Variants in TMCO4 observed in about 807,000 individuals in gnomAD.
The protein encoded by TMCO4 is transmembrane and coiled-coil domain-containing protein 4.
Under a neutral mutation model 64.7 loss-of-function variants are expected in TMCO4, and 58 were observed. The ratio of observed to expected loss-of-function variants is 0.90; its 90% CI spans 0.73 to 1.12. The LOEUF (loss-of-function observed/expected upper bound fraction) is 1.12, where lower values mean the gene tolerates loss of function less well. Ranked by LOEUF, TMCO4 falls within the 50% of genes most tolerant of loss-of-function variation. The pLI is 0.00. For synonymous variants in TMCO4, 325 were observed against 346.1 expected (o/e 0.94, Z 0.68); for missense variants, 780 against 825.9 (o/e 0.94, Z 0.68).
At chr1:19,721,516 C>T (rs2095383207) in intron 13 of TMCO4, among the ~76,000 whole-genome samples, 2 of 152,020 alleles carry the variant, frequency 1.3e-5, no homozygotes, top group African/African-American at 2.4e-5. Context: ...TGGCCAGGCG[C>T]GGGGGCTCAT....
chr1:19,729,290 C>T (rs1446807569), intron 13 of TMCO4, among the ~76,000 whole-genome samples: 3 of 151,848 alleles, frequency 2.0e-5, no homozygotes, highest in African/African-American at 7.2e-5. Context: ...GCGGGGAATA[C>T]AGGCGTGCCA....
chr1:19,722,560 A>G (rs1191386073), intron 13 of TMCO4, among the ~76,000 whole-genome samples: 1 of 152,212 alleles, frequency 6.6e-6, no homozygotes, highest in East Asian at 1.9e-4. Flanking sequence ...TCTTAACCTC[A>G]TGGCATGGAG....
At chr1:19,778,668 C>T (rs1289758559) in intron 4 of TMCO4, among the ~76,000 whole-genome samples, 1 of 152,148 alleles carries the variant, frequency 6.6e-6, no homozygotes, top group Non-Finnish European at 1.5e-5. Flanking sequence ...ATAAACTGCT[C>T]GAGGTCACAT....
At chr1:19,692,575 C>CAAAAA (rs532713684) in intron 15 of TMCO4, among the ~76,000 whole-genome samples, 2 of 63,954 alleles carry the variant, frequency 3.1e-5, no homozygotes, top group Non-Finnish European at 4.2e-5. Context: ...ATTAAAAATA[C>CAAAAA]AAAAAAAAAA....
chr1:19,733,014 C>T (rs1300165757), intron 13 of TMCO4, among the ~76,000 whole-genome samples: 1 of 152,100 alleles, frequency 6.6e-6, no homozygotes, highest in East Asian at 1.9e-4. Flanking sequence ...GCCTGTAATG[C>T]CAGCACTTTG....
chr1:19,713,737 C>CA (rs5772865), intron 13 of TMCO4, among the ~76,000 whole-genome samples: 8,305 of 151,504 alleles, frequency 0.055, 687 homozygotes, highest in East Asian at 0.45. Flanking sequence ...ACAACAAAAA[C>CA]AAAAAAAACA....
intron 13 of TMCO4, among the ~76,000 whole-genome samples, chr1:19,718,181 A>G (rs1020747526): frequency 2.6e-5 from 4 of 151,934 alleles, no homozygotes; most frequent in Non-Finnish European, 4.4e-5. Flanking sequence ...AAAAATACAA[A>G]AAAATTAACT....
intron 3 of TMCO4, 25 bp from the exon 4 acceptor site, chr1:19,780,791 A>G: frequency 6.5e-7 from 1 of 1,533,128 alleles, no homozygotes; most frequent in Non-Finnish European, 8.7e-7. Flanking sequence ...TCCCAGTGAG[A>G]AATGCTTCCA....
At chr1:19,715,239 ATTAT>A (rs1399104879) in intron 13 of TMCO4, among the ~76,000 whole-genome samples, 2 of 152,068 alleles carry the variant, frequency 1.3e-5, no homozygotes, top group African/African-American at 2.4e-5. Context: ...CTCAAAACAA[ATTAT>A]TTATTTATTC....
At chr1:19,733,004 G>A (rs778933339) in intron 13 of TMCO4, among the ~76,000 whole-genome samples, 1 of 152,016 alleles carries the variant, frequency 6.6e-6, no homozygotes, top group Non-Finnish European at 1.5e-5. Flanking sequence ...GGTGGCTCAC[G>A]CCTGTAATGC....
In TMCO4 at chr1:19,739,891, C is replaced by A. The variant is rs1484021886; in HGVS notation, c.1112G>T (p.Gly371Val). The A allele has an allele frequency of 1.2e-6, 2 of 1,614,010 alleles. No individual in the cohort carries two copies. Among genetic ancestry groups the A allele is most frequent in the Non-Finnish European group, 8.5e-7 (1 of 1,179,990 alleles). Residue 371 changes from glycine to valine, a missense_variant, in exon 12 of 16, where the codon GGG (glycine) becomes GTG (valine). Transcript: ENST00000294543. ...CTCTGCTGATCGATGGAGACACACC[C>A]CCCAGGGGTTGTCGATGACATTGGC... ...SVANVIDNPW[G>V]VCLHRSAEVG... is the part of the protein sequence containing the mutation.
chr1:19,736,536 A>G (rs1425101667), intron 13 of TMCO4, among the ~76,000 whole-genome samples: 1 of 152,108 alleles, frequency 6.6e-6, no homozygotes, highest in Non-Finnish European at 1.5e-5. Context: ...AGAGGAGGTG[A>G]GCCCATGTTC....
intron 13 of TMCO4, among the ~76,000 whole-genome samples, chr1:19,714,679 T>C (rs374443710): frequency 6.6e-6 from 1 of 152,146 alleles, no homozygotes; most frequent in East Asian, 1.9e-4. Context: ...TCCCACCACT[T>C]TGGGTGGCTG....
At chr1:19,715,452 G>T (rs1025177194) in intron 13 of TMCO4, among the ~76,000 whole-genome samples, 1 of 152,138 alleles carries the variant, frequency 6.6e-6, no homozygotes, top group African/African-American at 2.4e-5. Flanking sequence ...CATTGGGAAG[G>T]TTCTGTGAGA....
chr1:19,763,166 C>T (rs934218842), intron 6 of TMCO4, among the ~76,000 whole-genome samples: 2 of 151,938 alleles, frequency 1.3e-5, no homozygotes, highest in Non-Finnish European at 2.9e-5. Context: ...ATCTCCGTCT[C>T]CAGGGTTCAA....
chr1:19,705,407 T>C (rs912727027), intron 13 of TMCO4, among the ~76,000 whole-genome samples: 3 of 151,896 alleles, frequency 2.0e-5, no homozygotes, highest in East Asian at 3.9e-4. Flanking sequence ...GCTAAGATGG[T>C]ACCACTGCAC....
intron 2 of TMCO4, among the ~76,000 whole-genome samples, chr1:19,795,068 T>C (rs573877368): frequency 6.6e-6 from 1 of 152,096 alleles, no homozygotes; most frequent in Non-Finnish European, 1.5e-5. Context: ...TTCTAGAGAT[T>C]TGTTGCACAA....
chr1:19,765,763 C>T (rs1006080977), intron 6 of TMCO4, among the ~76,000 whole-genome samples: 5 of 152,130 alleles, frequency 3.3e-5, no homozygotes, highest in East Asian at 3.9e-4. Context: ...TGGCACCGTT[C>T]GGTGACTAAC....
intron 3 of TMCO4, among the ~76,000 whole-genome samples, chr1:19,781,474 A>C (rs934884696): frequency 1.1e-4 from 16 of 151,682 alleles, no homozygotes; most frequent in Non-Finnish European, 1.0e-4. Context: ...AAAAAAAAAA[A>C]AAACCCAATA....
Sources: allele counts gnomAD v4.1 joint callset (sites outside exome capture counted in the v4.1 genomes callset), GRCh38; gene constraint gnomAD v4.1.1; transcripts MANE v1.5; gene names NCBI Gene and HGNC (gene_info 2026-07-23, HGNC 2026-07-21).